Variants in TTLL11 observed in about 807,000 individuals in gnomAD.
TTLL11 encodes tubulin tyrosine ligase like 11.
Under a neutral mutation model 51.7 loss-of-function variants are expected in TTLL11, and 42 were observed. The ratio of observed to expected loss-of-function variants is 0.81; its 90% CI spans 0.64 to 1.05. The LOEUF (loss-of-function observed/expected upper bound fraction) is 1.05. TTLL11 is among the 50% of genes least tolerant of loss of function. The pLI is 0.00. For missense variants in TTLL11, 799 were observed against 940.4 expected (o/e 0.85, Z 1.97); for synonymous variants, 381 against 383.5 (o/e 0.99, Z 0.08).
In TTLL11 at chr9:121,860,420, C is replaced by T; in HGVS notation, c.1757G>A (p.Ser586Asn). The part of the protein sequence containing the change: ...FIRSCKLSSS[S>N]LSMAAVDILY... ...GATGTCCACGGCAGCCATGGACAGG[C>T]TGCTGCTGCTGAGTTTGCAGCTCCT... The change falls in exon 8 of 9, where the codon AGC becomes AAC. Residue 586 changes from serine (S) to asparagine (N), a missense_variant. This residue lies in a region of TTLL11 where 468 missense variants were observed against 612.8 expected (regional missense o/e 0.76). Coordinates refer to ENST00000321582, the MANE Select transcript of TTLL11 (RefSeq NM_001139442.2). 2 of 1,550,358 alleles carry T rather than the reference C, an allele frequency of 1.3e-6. No individual in the cohort carries two copies. The highest frequency in any genetic ancestry group is 8.7e-7 in the Non-Finnish European group (1 of 1,146,486).
intron 1 of TTLL11, among the ~76,000 whole-genome samples, chr9:122,053,174 C>A (rs757045867): frequency 6.6e-6 from 1 of 152,116 alleles, no homozygotes; most frequent in Non-Finnish European, 1.5e-5. Flanking sequence ...AATCCAGGAG[C>A]CGGGTCGGGG....
At chr9:121,950,330 T>A (rs35971692) in intron 6 of TTLL11, among the ~76,000 whole-genome samples, 9,539 of 152,118 alleles carry the variant, frequency 0.063, 415 homozygotes, top group Non-Finnish European at 0.099. Context: ...CCCCTCTCCC[T>A]AAGTGCCCAC....
At chr9:121,972,404 T>C (rs1311886811) in intron 6 of TTLL11, among the ~76,000 whole-genome samples, 2 of 152,186 alleles carry the variant, frequency 1.3e-5, no homozygotes, top group Admixed American at 1.3e-4. Flanking sequence ...TACGTACTGG[T>C]GAACACATTA....
At chr9:122,022,377 A>G (rs1201747253) in intron 3 of TTLL11, among the ~76,000 whole-genome samples, 1 of 151,974 alleles carries the variant, frequency 6.6e-6, no homozygotes, top group Non-Finnish European at 1.5e-5. Context: ...AAAAAATATT[A>G]AAAGCAGCAA....
At chr9:122,018,112 T>C (rs2131772278) in intron 3 of TTLL11, among the ~76,000 whole-genome samples, 1 of 76,054 alleles carries the variant, frequency 1.3e-5, no homozygotes, top group East Asian at 2.2e-4. Flanking sequence ...AATGCCACTT[T>C]TTTTTTTTTT....
intron 6 of TTLL11, among the ~76,000 whole-genome samples, chr9:121,900,338 C>A (rs117105062): frequency 2.0e-5 from 3 of 152,194 alleles, no homozygotes. Context: ...GTTACTGTTG[C>A]GAAGTCAGCT....
At chr9:122,037,570 G>T (rs553992139) in intron 2 of TTLL11, among the ~76,000 whole-genome samples, 12 of 152,134 alleles carry the variant, frequency 7.9e-5, no homozygotes, top group African/African-American at 1.2e-4. Context: ...GATGATTCTT[G>T]TAACTTAATA....
intron 6 of TTLL11, among the ~76,000 whole-genome samples, chr9:121,913,080 C>T (rs903069349): frequency 2.6e-5 from 4 of 152,182 alleles, no homozygotes; most frequent in Admixed American, 1.3e-4. Flanking sequence ...AGTCACCCTG[C>T]TCCACCCTAG....
intron 1 of TTLL11, among the ~76,000 whole-genome samples, chr9:122,039,749 C>G (rs1036347295): frequency 1.3e-5 from 2 of 152,066 alleles, no homozygotes; most frequent in African/African-American, 4.8e-5. Context: ...GGGGAGGAAC[C>G]AGGATTAGAG....
chr9:122,065,328 C>A (rs1845552293), intron 1 of TTLL11, among the ~76,000 whole-genome samples: 1 of 152,188 alleles, frequency 6.6e-6, no homozygotes, highest in African/African-American at 2.4e-5. Context: ...AAAATAAAAA[C>A]CTCTGGAGGT....
chr9:121,988,922 A>G (rs1255188918), intron 4 of TTLL11: 10 of 618,104 alleles, frequency 1.6e-5, no homozygotes. Flanking sequence ...TACATGTGTT[A>G]TCTCATTTAA....
chr9:121,900,029 A>G (rs1215342196), intron 6 of TTLL11, among the ~76,000 whole-genome samples: 3 of 152,246 alleles, frequency 2.0e-5, no homozygotes, highest in Non-Finnish European at 4.4e-5. Context: ...GAATGGCTCA[A>G]AAAGTACTTA....
intron 6 of TTLL11, among the ~76,000 whole-genome samples, chr9:121,930,531 C>T (rs1463688289): frequency 6.6e-6 from 1 of 152,232 alleles, no homozygotes; most frequent in East Asian, 1.9e-4. Flanking sequence ...TAAACTCAAT[C>T]CCACAGCAAT....
chr9:121,858,060 T>C (rs1837882180), intron 8 of TTLL11, among the ~76,000 whole-genome samples: 1 of 152,196 alleles, frequency 6.6e-6, no homozygotes, highest in South Asian at 2.1e-4. Flanking sequence ...GCTGCTCGAT[T>C]GTCACATGAG....
At chr9:122,025,937 C>T (rs992106120) in intron 3 of TTLL11, among the ~76,000 whole-genome samples, 21 of 152,068 alleles carry the variant, frequency 1.4e-4, no homozygotes, top group African/African-American at 5.1e-4. Context: ...TATAAACATT[C>T]AATAGAATAC....
chr9:122,092,659 C>G (rs547611124), intron 1 of TTLL11, 28 bp downstream of exon 1: 2 of 1,535,946 alleles, frequency 1.3e-6, no homozygotes, highest in South Asian at 1.2e-5. Flanking sequence ...CCACTGTGCC[C>G]ACGCGGCCGG....
intron 3 of TTLL11, among the ~76,000 whole-genome samples, chr9:122,030,535 C>A (rs1844505340): frequency 6.6e-6 from 1 of 152,062 alleles, no homozygotes; most frequent in African/African-American, 2.4e-5. Context: ...ACTTCTCAAG[C>A]AAGTTGCTAA....
intron 6 of TTLL11, among the ~76,000 whole-genome samples, chr9:121,874,008 C>A (rs113757114): frequency 6.6e-6 from 1 of 151,674 alleles, no homozygotes; most frequent in Non-Finnish European, 1.5e-5. Context: ...CCACACCTGG[C>A]TAATTTTTGT....
intron 8 of TTLL11, among the ~76,000 whole-genome samples, chr9:121,850,854 C>T (rs904296507): frequency 2.6e-5 from 4 of 152,192 alleles, no homozygotes; most frequent in Non-Finnish European, 5.9e-5. Flanking sequence ...ATTGCCCAAT[C>T]GTGCTACAAA....
Sources: gnomAD v4.1 joint callset for allele counts (sites outside exome capture counted in the v4.1 genomes callset) on GRCh38, gnomAD v4.1.1 for gene constraint, gnomAD v4.1.1 regional missense constraint, MANE v1.5 for transcripts, NCBI Gene and HGNC (gene_info 2026-07-23, HGNC 2026-07-21) for gene names.